The following CARMIL1 variants were observed in gnomAD, a reference collection of about 807,000 sequenced individuals.
CARMIL1 encodes capping protein regulator and myosin 1 linker 1, also known as F-actin-uncapping protein LRRC16A.
A neutral mutation model predicts 177.1 loss-of-function variants in CARMIL1; 90 were observed. The observed-to-expected ratio is 0.51, with a 90% CI of 0.43 to 0.61. The LOEUF (loss-of-function observed/expected upper bound fraction) is 0.61. Among genes scored for constraint, CARMIL1 ranks in the 20% least tolerant of loss-of-function variants. The probability of loss-of-function intolerance (pLI) is 0.00; values close to 1 mark genes in which losing one functional copy is unlikely to be tolerated. For synonymous variants in CARMIL1, 577 were observed against 606.2 expected (o/e 0.95, Z 0.71); for missense variants, 1,380 against 1,667.0 (o/e 0.83, Z 3.00).
intron 36 of CARMIL1, among the ~76,000 whole-genome samples, chr6:25,614,345 G>A (rs1266779400): frequency 1.3e-5 from 2 of 152,206 alleles, no homozygotes; most frequent in African/African-American, 2.4e-5. Context: ...TCCTGCCCTA[G>A]AGAAAGCCAA....
At chr6:25,286,853 C>T (rs1781558962) in intron 2 of CARMIL1, among the ~76,000 whole-genome samples, 1 of 152,166 alleles carries the variant, frequency 6.6e-6, no homozygotes, top group Non-Finnish European at 1.5e-5. Context: ...ACTATTTAAA[C>T]ATGCTTATGA....
intron 2 of CARMIL1, among the ~76,000 whole-genome samples, chr6:25,313,511 G>A (rs1784009378): frequency 6.6e-6 from 1 of 152,014 alleles, no homozygotes; most frequent in African/African-American, 2.4e-5. Context: ...AAGATGGGGG[G>A]ATGAGAGCAC....
chr6:25,324,021 C>T (rs1784881967), intron 2 of CARMIL1, among the ~76,000 whole-genome samples: 1 of 152,214 alleles, frequency 6.6e-6, no homozygotes, highest in South Asian at 2.1e-4. Context: ...AGAGGACAAG[C>T]CTGTTCTGGT....
chr6:25,434,527 T>C (rs1045106847), intron 4 of CARMIL1, among the ~76,000 whole-genome samples: 1 of 148,208 alleles, frequency 6.7e-6, no homozygotes, highest in Non-Finnish European at 1.5e-5. Flanking sequence ...CATTTTTTTT[T>C]TTTTTTTTTT....
At chr6:25,538,996 T>G (rs1380808102) in intron 25 of CARMIL1, among the ~76,000 whole-genome samples, 1 of 152,012 alleles carries the variant, frequency 6.6e-6, no homozygotes, top group African/African-American at 2.4e-5. Context: ...CTGGGAGGGC[T>G]GTATACCTGC....
chr6:25,389,348 G>A (rs1792510124), intron 2 of CARMIL1, among the ~76,000 whole-genome samples: 1 of 151,190 alleles, frequency 6.6e-6, no homozygotes, highest in South Asian at 2.1e-4. Context: ...ATATTGTATT[G>A]TTTTCTTTTT....
chr6:25,341,121 A>T (rs572341604), intron 2 of CARMIL1, among the ~76,000 whole-genome samples: 2 of 151,682 alleles, frequency 1.3e-5, no homozygotes, highest in East Asian at 3.9e-4. Context: ...AACCTTATGA[A>T]GTAGATGGTA....
At chr6:25,363,177 T>C (rs1308571582) in intron 2 of CARMIL1, among the ~76,000 whole-genome samples, 4 of 151,840 alleles carry the variant, frequency 2.6e-5, no homozygotes, top group African/African-American at 9.7e-5. Flanking sequence ...CCAGTAGGTA[T>C]TAAAAATTAT....
chr6:25,458,139 T>C (rs116815060), intron 8 of CARMIL1, among the ~76,000 whole-genome samples: 123 of 152,284 alleles, frequency 8.1e-4, no homozygotes, highest in Non-Finnish European at 1.4e-3. Context: ...ATAGGTTATC[T>C]AGAATGTAGA....
intron 9 of CARMIL1, among the ~76,000 whole-genome samples, chr6:25,470,417 T>C (rs551705638): frequency 4.6e-5 from 7 of 152,376 alleles, no homozygotes; most frequent in African/African-American, 1.7e-4. Flanking sequence ...TCATAATCAC[T>C]AACACTTAGT....
At chr6:25,416,826 G>A (rs1032993372) in intron 2 of CARMIL1, among the ~76,000 whole-genome samples, 4 of 152,180 alleles carry the variant, frequency 2.6e-5, no homozygotes, top group Non-Finnish European at 5.9e-5. Flanking sequence ...CTTTGACAAT[G>A]TGATGTTGAG....
intron 29 of CARMIL1, among the ~76,000 whole-genome samples, chr6:25,573,174 G>A (rs1307473310): frequency 6.6e-6 from 1 of 152,120 alleles, no homozygotes; most frequent in African/African-American, 2.4e-5. Flanking sequence ...GCACCTAAAG[G>A]AAATCCTTTG....
intron 24 of CARMIL1, 44 bp from the exon 25 acceptor site, chr6:25,537,811 G>A (rs764412275): frequency 3.7e-6 from 6 of 1,604,104 alleles, no homozygotes; most frequent in East Asian, 4.5e-5. Flanking sequence ...TCTGAATATC[G>A]GCTGGGCTGA....
intron 17 of CARMIL1, among the ~76,000 whole-genome samples, chr6:25,505,817 T>C (rs191424295): frequency 5.3e-5 from 8 of 151,836 alleles, no homozygotes; most frequent in Admixed American, 4.6e-4. Flanking sequence ...GAAGAATTGG[T>C]AAATGCTGGG....
chr6:25,321,794 G>A (rs568843213), intron 2 of CARMIL1, among the ~76,000 whole-genome samples: 1 of 151,924 alleles, frequency 6.6e-6, no homozygotes, highest in African/African-American at 2.4e-5. Context: ...AAGTAACTGG[G>A]ACTACAGGCG....
chr6:25,325,856 T>C (rs1785041747), intron 2 of CARMIL1, among the ~76,000 whole-genome samples: 1 of 151,946 alleles, frequency 6.6e-6, no homozygotes, highest in Non-Finnish European at 1.5e-5. Flanking sequence ...GGTGGGGAGC[T>C]GTGTAGGATA....
intron 33 of CARMIL1, among the ~76,000 whole-genome samples, chr6:25,603,639 A>G (rs1184162842): frequency 6.6e-6 from 1 of 152,188 alleles, no homozygotes; most frequent in Non-Finnish European, 1.5e-5. Context: ...CAGCAGTCTG[A>G]AGGTCAGACT....
At chr6:25,298,166 T>G (rs768767808) in intron 2 of CARMIL1, among the ~76,000 whole-genome samples, 4 of 152,198 alleles carry the variant, frequency 2.6e-5, no homozygotes, top group Non-Finnish European at 5.9e-5. Flanking sequence ...ACATAGTAAG[T>G]CATGAGTAAG....
At chr6:25,548,105 TAGAG>T (rs1448437249) in intron 26 of CARMIL1, among the ~76,000 whole-genome samples, 5 of 152,106 alleles carry the variant, frequency 3.3e-5, no homozygotes, top group Non-Finnish European at 7.4e-5. Flanking sequence ...ATAAAGGAAA[TAGAG>T]AGATATGGCA....
Sources: allele counts gnomAD v4.1 joint callset (sites outside exome capture counted in the v4.1 genomes callset), GRCh38; gene constraint gnomAD v4.1.1; transcripts MANE v1.5; gene names NCBI Gene and HGNC (gene_info 2026-07-23, HGNC 2026-07-21).